Variants in RAPGEF4 observed in about 807,000 individuals in gnomAD.
RAPGEF4 encodes Rap guanine nucleotide exchange factor 4, also known as RAP guanine-nucleotide-exchange factor (GEF) 4.
Under a neutral mutation model 147.9 loss-of-function variants are expected in RAPGEF4, and 66 were observed. That is an observed-to-expected ratio of 0.45 (90% CI 0.37 to 0.55). The LOEUF (loss-of-function observed/expected upper bound fraction) is 0.55. Ranked by LOEUF, RAPGEF4 falls within the 20% of genes least tolerant of loss-of-function variation. RAPGEF4 has a pLI of 0.00. For missense variants in RAPGEF4, 1,071 were observed against 1,257.3 expected (o/e 0.85, Z 2.24); for synonymous variants, 419 against 442.7 (o/e 0.95, Z 0.67).
At chr2:172,778,052 G>A (rs13398940) in intron 1 of RAPGEF4, among the ~76,000 whole-genome samples, 141,367 of 152,262 alleles carry the variant, frequency 0.93, 66,259 homozygotes, top group East Asian at 1. Flanking sequence ...TAGGTGACCA[G>A]TCTAAAGCAT....
intron 3 of RAPGEF4, among the ~76,000 whole-genome samples, chr2:172,808,488 T>C (rs1199875898): frequency 6.6e-6 from 1 of 152,174 alleles, no homozygotes; most frequent in African/African-American, 2.4e-5. Context: ...ATTAACAAAA[T>C]GAATATAGAG....
intron 1 of RAPGEF4, among the ~76,000 whole-genome samples, chr2:172,765,528 T>C (rs927394246): frequency 6.6e-6 from 1 of 152,204 alleles, no homozygotes; most frequent in Non-Finnish European, 1.5e-5. Flanking sequence ...TGTCTTGCCA[T>C]CTCTCACACA....
chr2:173,018,070 A>G (rs1330647844), intron 21 of RAPGEF4, among the ~76,000 whole-genome samples: 8 of 152,224 alleles, frequency 5.3e-5, no homozygotes, highest in African/African-American at 1.9e-4. Flanking sequence ...CCCAGGAATT[A>G]TAATATAATA....
chr2:172,980,386 T>G (rs1351288948), intron 10 of RAPGEF4, among the ~76,000 whole-genome samples: 1 of 152,156 alleles, frequency 6.6e-6, no homozygotes. Flanking sequence ...TGTCATTATC[T>G]AGATGGAAGT....
At chr2:172,792,543 T>A (rs185797010) in intron 1 of RAPGEF4, among the ~76,000 whole-genome samples, 3 of 152,264 alleles carry the variant, frequency 2.0e-5, no homozygotes. Flanking sequence ...AGTAGGGGTT[T>A]GTTGGGAGGC....
At chr2:172,932,148 C>T (rs1686064283) in intron 6 of RAPGEF4, among the ~76,000 whole-genome samples, 2 of 152,124 alleles carry the variant, frequency 1.3e-5, no homozygotes, top group African/African-American at 4.8e-5. Context: ...AGTTACATGG[C>T]ACAAGATATT....
At chr2:173,014,416 G>A (rs367593706) in intron 17 of RAPGEF4, 48 bp from the exon 18 acceptor site, 4 of 1,609,870 alleles carry the variant, frequency 2.5e-6, no homozygotes, top group Admixed American at 1.7e-5. Flanking sequence ...AAAGTAGCAT[G>A]TGAAATGAGT....
chr2:172,810,748 C>A (rs1282979807), intron 3 of RAPGEF4, among the ~76,000 whole-genome samples: 1 of 152,134 alleles, frequency 6.6e-6, no homozygotes, highest in African/African-American at 2.4e-5. Flanking sequence ...GTGTCTGATG[C>A]AAGTGGTAAG....
At chr2:172,878,294 T>C (rs1267570061) in intron 4 of RAPGEF4, among the ~76,000 whole-genome samples, 3 of 152,192 alleles carry the variant, frequency 2.0e-5, no homozygotes, top group African/African-American at 7.2e-5. Flanking sequence ...TTTTTCCCAC[T>C]CACCCAATTG....
At chr2:172,784,309 G>C (rs1684973887) in intron 1 of RAPGEF4, among the ~76,000 whole-genome samples, 1 of 152,092 alleles carries the variant, frequency 6.6e-6, no homozygotes, top group Non-Finnish European at 1.5e-5. Context: ...ATGAGGTCTG[G>C]AGATCGAGAC....
intron 4 of RAPGEF4, among the ~76,000 whole-genome samples, chr2:172,827,290 C>T (rs1243434942): frequency 6.6e-6 from 1 of 152,052 alleles, no homozygotes; most frequent in Non-Finnish European, 1.5e-5. Flanking sequence ...GAATCCATCT[C>T]CCCTGAATTC....
intron 17 of RAPGEF4, among the ~76,000 whole-genome samples, chr2:173,005,890 A>G (rs1473627000): frequency 6.6e-6 from 1 of 152,176 alleles, no homozygotes; most frequent in African/African-American, 2.4e-5. Context: ...GATCCTGCAT[A>G]TACTGGTAGA....
chr2:172,901,303 G>T (rs1337917261), intron 4 of RAPGEF4, among the ~76,000 whole-genome samples: 1 of 152,150 alleles, frequency 6.6e-6, no homozygotes, highest in East Asian at 1.9e-4. Flanking sequence ...AGTATCCCTA[G>T]ATTTTGATGA....
chr2:172,860,656 G>GT (rs1693939023), intron 4 of RAPGEF4, among the ~76,000 whole-genome samples: 2 of 148,136 alleles, frequency 1.4e-5, no homozygotes, highest in South Asian at 4.4e-4. Context: ...TTTGGCAATT[G>GT]TTTTTTTAAA....
At chr2:172,855,436 A>G (rs1693306493) in intron 4 of RAPGEF4, among the ~76,000 whole-genome samples, 1 of 152,164 alleles carries the variant, frequency 6.6e-6, no homozygotes, top group African/African-American at 2.4e-5. Flanking sequence ...GTTGCCTGTA[A>G]TACAAGTAAT....
intron 4 of RAPGEF4, among the ~76,000 whole-genome samples, chr2:172,862,294 T>C (rs749993593): frequency 2.0e-4 from 30 of 152,224 alleles, no homozygotes; most frequent in Non-Finnish European, 3.1e-4. Context: ...CAGTGTATTG[T>C]TCTGATATTC....
chr2:172,982,133 T>G (rs1252249861), intron 10 of RAPGEF4, among the ~76,000 whole-genome samples: 1 of 152,226 alleles, frequency 6.6e-6, no homozygotes, highest in Admixed American at 6.5e-5. Context: ...AACTTGATTT[T>G]CAGACGCTAA....
At chr2:172,737,863 G>T (rs1246208844) in intron 1 of RAPGEF4, among the ~76,000 whole-genome samples, 1 of 152,142 alleles carries the variant, frequency 6.6e-6, no homozygotes, top group African/African-American at 2.4e-5. Flanking sequence ...GAAAAATGAG[G>T]ATAGGACTAT....
chr2:172,781,833 G>A (rs2149512309), intron 1 of RAPGEF4, among the ~76,000 whole-genome samples: 1 of 152,282 alleles, frequency 6.6e-6, no homozygotes, highest in Non-Finnish European at 1.5e-5. Flanking sequence ...GATGCAAATA[G>A]TTGTTATACA....
Sources: allele counts gnomAD v4.1 joint callset (sites outside exome capture counted in the v4.1 genomes callset), GRCh38; gene constraint gnomAD v4.1.1; transcripts MANE v1.5; gene names NCBI Gene and HGNC (gene_info 2026-07-23, HGNC 2026-07-21).